Variants in ZZEF1 observed in about 807,000 individuals in gnomAD.
The protein encoded by ZZEF1 is zinc finger ZZ-type and EF-hand domain containing 1, also known as zinc finger ZZ-type and EF-hand domain-containing protein 1.
A neutral mutation model predicts 342.8 loss-of-function variants in ZZEF1; 157 were observed. The ratio of observed to expected loss-of-function variants is 0.46; its 90% CI spans 0.40 to 0.52. ZZEF1 has a LOEUF of 0.52. Ranked by LOEUF, ZZEF1 falls within the 20% of genes least tolerant of loss-of-function variation. The pLI is 0.00. For synonymous variants in ZZEF1, 1,505 were observed against 1,429.1 expected (o/e 1.05, Z -1.20); for missense variants, 3,480 against 3,725.6 (o/e 0.93, Z 1.72).
At chr17:4,007,154 G>A (rs569150228) in intron 54 of ZZEF1, among the ~76,000 whole-genome samples, 184 bp from the exon 55 acceptor site, 15 of 152,318 alleles carry the variant, frequency 9.8e-5, no homozygotes, top group Middle Eastern at 6.8e-3. Context: ...GCACATGAAA[G>A]CTCCAAATGT....
At chr17:4,033,260 A>G (rs7213504) in intron 40 of ZZEF1, 93,400 of 389,304 alleles carry the variant, frequency 0.24, 11,633 homozygotes, top group Admixed American at 0.32. Flanking sequence ...GCACATGCAC[A>G]CTCATATTCA....
chr17:4,050,662 C>G lies in ZZEF1; in HGVS notation c.5863+119G>C, dbSNP rs145914021. ...TTAAGTTCCACACCAGGGTAAGCCCCTTTTGTGGAAAAGTGGATGTTGCCA... is the reference window on the plus strand; with the variant it reads ...TTAAGTTCCACACCAGGGTAAGCCCGTTTTGTGGAAAAGTGGATGTTGCCA... On this transcript the variant is annotated intron_variant, in intron 36 of 54. Transcript: ENST00000381638. 1.9e-4 allele frequency: 278 copies of G among 1,461,066 alleles called. 2 individuals carry two copies. In the East Asian group the frequency reaches 4.0e-3, roughly 21 times the overall value. 90.5% of individuals were successfully genotyped at this position (1,461,066 alleles called of 1,614,324 possible).
intron 15 of ZZEF1, 57 bp downstream of exon 15, chr17:4,086,429 G>C (rs905612660): frequency 1.3e-6 from 2 of 1,576,914 alleles, no homozygotes; most frequent in African/African-American, 2.7e-5. Context: ...TCTATAGCAA[G>C]AGGCCCTTCA....
chr17:4,034,787 A>C (rs907733074), intron 39 of ZZEF1, among the ~76,000 whole-genome samples: 1 of 152,224 alleles, frequency 6.6e-6, no homozygotes, highest in Admixed American at 6.5e-5. Flanking sequence ...ACTCAAGCCC[A>C]GGAGTTCAAG....
intron 2 of ZZEF1, among the ~76,000 whole-genome samples, chr17:4,119,827 A>G (rs2145528765): frequency 6.6e-6 from 1 of 152,292 alleles, no homozygotes; most frequent in African/African-American, 2.4e-5. Context: ...TTGGTTCTCC[A>G]TATATGGCCA....
chr17:4,085,427 G>A (rs2057800564), intron 16 of ZZEF1, among the ~76,000 whole-genome samples: 1 of 152,002 alleles, frequency 6.6e-6, no homozygotes, highest in African/African-American at 2.4e-5. Flanking sequence ...TCACAAAGAT[G>A]AAGGAGACTA....
chr17:4,109,556 C>T (rs11650023), intron 6 of ZZEF1, 97 bp downstream of exon 6: 795,706 of 1,336,412 alleles, frequency 0.6, 243,231 homozygotes, highest in East Asian at 0.71. Context: ...TGAGCCACAA[C>T]GATCAATGAT....
intron 30 of ZZEF1, among the ~76,000 whole-genome samples, chr17:4,060,761 G>T (rs2057270686): frequency 6.6e-6 from 1 of 152,068 alleles, no homozygotes; most frequent in Non-Finnish European, 1.5e-5. Context: ...CAATCACATA[G>T]GAATTCCCTT....
At chr17:4,046,059 C>G (rs944035531) in intron 37 of ZZEF1, among the ~76,000 whole-genome samples, 5 of 152,126 alleles carry the variant, frequency 3.3e-5, no homozygotes, top group African/African-American at 9.7e-5. Context: ...GATCTCCTGA[C>G]CTTGCGATCC....
chr17:4,010,285 T>TG (rs2055912283), intron 52 of ZZEF1, among the ~76,000 whole-genome samples: 1 of 151,592 alleles, frequency 6.6e-6, no homozygotes, highest in Non-Finnish European at 1.5e-5. Context: ...GCCCAGGAGT[T>TG]GGAGGTTGCA....
At chr17:4,048,793 A>G (rs982387649) in intron 37 of ZZEF1, among the ~76,000 whole-genome samples, 4 of 151,926 alleles carry the variant, frequency 2.6e-5, no homozygotes, top group Non-Finnish European at 5.9e-5. Flanking sequence ...GGCTCACTGC[A>G]ACCTCCGCCT....
chr17:4,081,910 A>C (rs2057730767), intron 17 of ZZEF1, among the ~76,000 whole-genome samples: 1 of 152,218 alleles, frequency 6.6e-6, no homozygotes, highest in Non-Finnish European at 1.5e-5. Flanking sequence ...CAGCCCTCTA[A>C]GTCTGGCATC....
intron 42 of ZZEF1, among the ~76,000 whole-genome samples, chr17:4,027,571 A>G (rs1232625281): frequency 6.8e-6 from 1 of 147,602 alleles, no homozygotes; most frequent in Non-Finnish European, 1.5e-5. Flanking sequence ...CTGGGATTAC[A>G]GGCATGAGCC....
Position 4,024,967 on chromosome 17 carries a change from T to C in ZZEF1, c.7044A>G (p.Ala2348=). ...TCAGGGCCAGGGACAGGACCCAAGT[T>C]GCTTCTACTGCCTCGGGACAATGGC... is the stretch of plus-strand genomic sequence containing the variant. ...MDSHCPEAVE[A]TWVLSLALKG... Residue 2348 remains alanine, a synonymous_variant, in exon 43 of 55, where the codon GCA becomes GCG. Transcript: ENST00000381638. 6.2e-7 allele frequency: 1 copy of C among 1,614,200 alleles called. No individual in the cohort carries two copies.
intron 16 of ZZEF1, among the ~76,000 whole-genome samples, chr17:4,084,217 G>A (rs2057778510): frequency 2.0e-5 from 3 of 151,950 alleles, no homozygotes; most frequent in Non-Finnish European, 4.4e-5. Context: ...TCTATTTTGA[G>A]TTTGCTAATG....
intron 34 of ZZEF1, 130 bp from the exon 35 acceptor site, chr17:4,052,266 C>A (rs901195129): frequency 2.3e-6 from 2 of 863,616 alleles, no homozygotes; most frequent in Admixed American, 3.2e-5. Flanking sequence ...GGCCCACAGG[C>A]GTTCTCTGGA....
chr17:4,018,062 T>C lies in ZZEF1; in HGVS notation c.7506-91A>G, dbSNP rs577819894. On this transcript the variant is annotated intron_variant, in intron 46 of 54. Coordinates refer to ENST00000381638, the MANE Select transcript of ZZEF1 (RefSeq NM_015113.4). ...AACTTGTTGGCAATGTTCTTCAGAG[T>C]TGTTCTTCTGTTAGTATCAATGACA... 1.6e-5 allele frequency: 25 copies of C among 1,530,236 alleles called. No individual in the cohort carries two copies. In the African/African-American group the frequency reaches 2.2e-4, roughly 13 times the overall value. The allele number at this position is 1,530,236 out of a possible 1,614,324, so 94.8% of individuals were successfully genotyped here. A position where few individuals can be genotyped will look rare whatever the true frequency, so the allele number is the denominator to read the frequency against.
Position 4,082,425 on chromosome 17 carries a change from C to A in ZZEF1, c.2714+12G>T. ...TGAGTTATCCGACAATTAAAAAGAA[C>A]GATCAGCTTACCTAAAATACGTGCA... On this transcript the variant is annotated intron_variant, in intron 17 of 54. Transcript: ENST00000381638. 2.5e-6 allele frequency: 4 copies of A among 1,613,494 alleles called. No homozygotes were observed. Among genetic ancestry groups the A allele is most frequent in the African/African-American group, 1.3e-5 (1 of 75,044 alleles).
At position 4,117,101 on chromosome 17, in the gene ZZEF1, A is replaced by C. The variant is rs2058407896; in HGVS notation, c.565T>G (p.Phe189Val). 2 of 1,614,054 alleles carry C rather than the reference A, an allele frequency of 1.2e-6. No individual in the cohort carries two copies. The highest frequency in any genetic ancestry group is 1.3e-5 in the African/African-American group (1 of 75,062). ...CTGGAGAGCCGATTGCGGTGCAGGA[A>C]GCGCAGTATCATTGACGAGTGAATA... ...LDIHSSMILR[F>V]LHRNRLSSAV... Residue 189 changes from phenylalanine to valine, a missense_variant, in exon 3 of 55, where the codon TTC becomes GTC. Transcript: ENST00000381638.
Sources: allele counts gnomAD v4.1 joint callset (sites outside exome capture counted in the v4.1 genomes callset), GRCh38; gene constraint gnomAD v4.1.1; transcripts MANE v1.5; gene names NCBI Gene and HGNC (gene_info 2026-07-23, HGNC 2026-07-21).